The following DACH2 variants were observed in gnomAD, a reference collection of about 807,000 sequenced individuals.
The protein encoded by DACH2 is dachshund homolog 2.
DACH2 carries 17 observed loss-of-function variants against 35.8 expected under a neutral mutation model. The observed-to-expected ratio is 0.48, with a 90% CI of 0.33 to 0.71. DACH2 has a LOEUF of 0.71. DACH2 is among the 30% of genes least tolerant of loss of function. The pLI, the probability that DACH2 is intolerant of heterozygous loss-of-function variation, is 0.02. For synonymous variants in DACH2, 195 were observed against 177.3 expected, an observed-to-expected ratio of 1.10 and a Z score of -0.79; for missense variants, 469 against 472.7, an observed-to-expected ratio of 0.99 and a Z score of 0.07.
intron 11 of DACH2, chrX:86,831,890 AAAG>A (rs1272735319): frequency 1.1e-5 from 4 of 368,689 alleles, no homozygotes; most frequent in African/African-American, 2.6e-5. Context: ...GGTGCTGTGG[AAAG>A]AAGAACAGAA....
At chrX:86,192,997 C>CT (rs1324709514) in intron 1 of DACH2, among the ~76,000 whole-genome samples, 1 of 111,748 alleles carries the variant, frequency 8.9e-6, no homozygotes, top group Non-Finnish European at 1.9e-5. Flanking sequence ...TTTTGCTTTT[C>CT]TTTTTTTATG....
At chrX:86,259,729 CATA>C (rs2033590857) in intron 1 of DACH2, among the ~76,000 whole-genome samples, 1 of 111,866 alleles carries the variant, frequency 8.9e-6, no homozygotes, top group African/African-American at 3.2e-5. Context: ...AGTTGAGGAT[CATA>C]ATATGTTTTT....
At chrX:86,554,990 T>TA (rs1569438563) in intron 3 of DACH2, among the ~76,000 whole-genome samples, 1 of 111,482 alleles carries the variant, frequency 9.0e-6, no homozygotes, top group Admixed American at 9.6e-5. Flanking sequence ...ATTTTGATTT[T>TA]ATGGATATTA....
intron 2 of DACH2, among the ~76,000 whole-genome samples, chrX:86,429,197 C>T (rs1036481789): frequency 9.2e-6 from 1 of 109,242 alleles, no homozygotes; most frequent in Non-Finnish European, 1.9e-5. Context: ...GCAGAGGAGA[C>T]ATTTATATTC....
At chrX:86,340,032 G>A (rs1488064113) in intron 1 of DACH2, among the ~76,000 whole-genome samples, 8 of 111,562 alleles carry the variant, frequency 7.2e-5, no homozygotes, top group South Asian at 3.7e-4. Flanking sequence ...AAAAGCTTTT[G>A]AAATCTTTAT....
At chrX:86,359,084 C>CGTGTGTGTGTGTGTGTGTGTGT (rs1556037574) in intron 1 of DACH2, among the ~76,000 whole-genome samples, 1 of 98,492 alleles carries the variant, frequency 1.0e-5, no homozygotes, top group African/African-American at 3.7e-5. Context: ...TATATTTTGT[C>CGTGTGTGTGTGTGTGTGTGTGT]GTGTGTGTGT....
intron 1 of DACH2, among the ~76,000 whole-genome samples, chrX:86,336,291 T>A (rs2035308665): frequency 8.9e-6 from 1 of 112,397 alleles, no homozygotes; most frequent in African/African-American, 3.2e-5. Flanking sequence ...TTCCCTCTTT[T>A]TCTATTGTTT....
intron 2 of DACH2, among the ~76,000 whole-genome samples, chrX:86,378,170 T>G (rs1280890958): frequency 9.0e-6 from 1 of 110,698 alleles, no homozygotes; most frequent in Non-Finnish European, 1.9e-5. Context: ...AGTTCTTTCT[T>G]CATTAAATAT....
chrX:86,816,171 T>A, intron 11 of DACH2, 72 bp downstream of exon 11: 1 of 662,481 alleles, frequency 1.5e-6, no homozygotes, highest in Non-Finnish European at 2.2e-6. Context: ...GGGGATGAGG[T>A]GGGGATGAGC....
chrX:86,660,838 T>G (rs972786021), intron 4 of DACH2, among the ~76,000 whole-genome samples: 1 of 111,648 alleles, frequency 9.0e-6, no homozygotes, highest in Non-Finnish European at 1.9e-5. Flanking sequence ...TGTTTACTTT[T>G]TTAAAGGCAG....
chrX:86,609,580 G>T (rs1269282003), intron 3 of DACH2, among the ~76,000 whole-genome samples: 1 of 111,480 alleles, frequency 9.0e-6, no homozygotes, highest in Non-Finnish European at 1.9e-5. Flanking sequence ...TTCATGGTTT[G>T]GTCTTGTTTG....
intron 3 of DACH2, among the ~76,000 whole-genome samples, chrX:86,637,233 A>C (rs1230531238): frequency 1.1e-5 from 1 of 94,733 alleles, no homozygotes; most frequent in African/African-American, 3.8e-5. Context: ...AAAAAAAAAA[A>C]AAAAAAAAAA....
At chrX:86,711,497 T>C (rs1327364091) in intron 5 of DACH2, among the ~76,000 whole-genome samples, 1 of 112,748 alleles carries the variant, frequency 8.9e-6, no homozygotes, top group Non-Finnish European at 1.9e-5. Context: ...ATTTTGGTGA[T>C]TTTTAAAAAA....
intron 1 of DACH2, among the ~76,000 whole-genome samples, chrX:86,254,795 T>TAC (rs1381491558): frequency 1.5e-5 from 1 of 66,891 alleles, no homozygotes; most frequent in Non-Finnish European, 2.6e-5. Flanking sequence ...TATATATATA[T>TAC]ATATATATAT....
chrX:86,722,417 T>C (rs1026983460), intron 6 of DACH2, among the ~76,000 whole-genome samples: 4 of 111,881 alleles, frequency 3.6e-5, no homozygotes, highest in African/African-American at 1.3e-4. Flanking sequence ...GGTGCAATTA[T>C]AGCTCACTGC....
At chrX:86,383,470 G>A (rs1311157478) in intron 2 of DACH2, among the ~76,000 whole-genome samples, 2 of 104,448 alleles carry the variant, frequency 1.9e-5, no homozygotes, top group East Asian at 6.0e-4. Flanking sequence ...ACTTTTGTTA[G>A]TCTGAACGAA....
intron 1 of DACH2, among the ~76,000 whole-genome samples, chrX:86,200,867 A>G (rs1202409782): frequency 9.0e-6 from 1 of 111,378 alleles, no homozygotes; most frequent in African/African-American, 3.3e-5. Flanking sequence ...CATTGTGGAA[A>G]GTAGTGTGGT....
rs913676669 is a variant in DACH2, at chrX:86,814,626, C to T, written c.1538-62C>T. On this transcript the variant is annotated intron_variant, in intron 9 of 11. Transcript: ENST00000373125. ...ATACTTATATCTGTGGCTTATAATT[C>T]ATCAAAACTGGCATCCCTATTTCAT... 8.4e-5 allele frequency: 89 copies of T among 1,061,020 alleles called. No individual in the cohort carries two copies. The South Asian group carries it at 1.1e-3, about 14-fold the overall frequency. The allele number at this position is 1,061,020 out of a possible 1,213,427, so 87.4% of individuals were successfully genotyped here. A position where few individuals can be genotyped will look rare whatever the true frequency, so the allele number is the denominator to read the frequency against.
chrX:86,465,941 C>G (rs1037764634), intron 2 of DACH2, among the ~76,000 whole-genome samples: 3 of 111,416 alleles, frequency 2.7e-5, no homozygotes, highest in Non-Finnish European at 5.6e-5. Flanking sequence ...GATATGCAAA[C>G]CTAACATTGT....
Sources: allele counts gnomAD v4.1 joint callset (sites outside exome capture counted in the v4.1 genomes callset), GRCh38; gene constraint gnomAD v4.1.1; transcripts MANE v1.5; gene names NCBI Gene and HGNC (gene_info 2026-07-23, HGNC 2026-07-21).